The following STIL variants were observed in gnomAD, a reference collection of about 807,000 sequenced individuals.
STIL encodes SCL-interrupting locus protein.
Under a neutral mutation model 110.1 loss-of-function variants are expected in STIL, and 55 were observed. The observed-to-expected ratio is 0.50, with a 90% CI of 0.40 to 0.63. The LOEUF (loss-of-function observed/expected upper bound fraction) is 0.63, where lower values mean the gene tolerates loss of function less well. Ranked by LOEUF, STIL falls within the 20% of genes least tolerant of loss-of-function variation. The probability of loss-of-function intolerance (pLI) is 0.00; values close to 1 mark genes in which losing one functional copy is unlikely to be tolerated. For missense variants in STIL, 1,358 were observed against 1,530.0 expected, an observed-to-expected ratio of 0.89 and a Z score of 1.87; for synonymous variants, 481 against 530.0, an observed-to-expected ratio of 0.91 and a Z score of 1.27.
At chr1:47,285,255 CTCCTGAGCTCAAGCAA>C (rs1465747180) in intron 10 of STIL, among the ~76,000 whole-genome samples, 1 of 151,554 alleles carries the variant, frequency 6.6e-6, no homozygotes, top group Non-Finnish European at 1.5e-5. Context: ...TGGTCTCGAA[CTCCTGAGCTCAAGCAA>C]TCCTCCCGCC....
intron 16 of STIL, 112 bp downstream of exon 16, chr1:47,260,177 T>C: frequency 9.8e-6 from 11 of 1,127,226 alleles, no homozygotes; most frequent in East Asian, 2.6e-5. Flanking sequence ...TCTGATGAGA[T>C]TGCCACAATA....
chr1:47,289,591 CA>C lies in STIL; in HGVS notation c.873-7del. 6.2e-7 allele frequency: 1 copy of C among 1,609,886 alleles called. No homozygotes were observed. Among genetic ancestry groups the C allele is most frequent in the Non-Finnish European group, 8.5e-7 (1 of 1,176,768 alleles). On this transcript the variant is annotated splice_polypyrimidine_tract_variant and splice_region_variant and intron_variant, in intron 8 of 16. Coordinates refer to ENST00000371877, the MANE Select transcript of STIL (RefSeq NM_001048166.1). ...TTCCAGATTCTGAAAAAACCCTGCA[CA>C]AAAAAAGTCATTTAATTAAAATTTA... is the stretch of plus-strand genomic sequence containing the variant.
At chr1:47,301,449 T>G in intron 5 of STIL, 112 bp downstream of exon 5, 1 of 1,248,014 alleles carries the variant, frequency 8.0e-7, no homozygotes. Context: ...TCACAATAAT[T>G]CAACCAAATT....
rs1645756235 is a variant in STIL, at chr1:47,300,016, T to C, written c.590A>G (p.Asn197Ser). 1 of 1,614,152 alleles carries C rather than the reference T, an allele frequency of 6.2e-7. No individual in the cohort carries two copies. The highest frequency in any genetic ancestry group is 8.5e-7 in the Non-Finnish European group (1 of 1,180,018). ...DLHWAAVTLA[N>S]NFKCTPVKPI... ...CTTCACAGGTGTGCATTTAAAGTTA[T>C]TTGCTAGAGTTACTGCTGCCCAATG... The change falls in exon 6 of 17, where the codon AAT (asparagine) becomes AGT (serine). Residue 197 changes from asparagine to serine, a missense_variant. Asn to Ser is a conservative substitution (Grantham distance 46). Coordinates refer to ENST00000371877, the MANE Select transcript of STIL (RefSeq NM_001048166.1).
chr1:47,277,319 G>C (rs1645021901), intron 12 of STIL, among the ~76,000 whole-genome samples: 1 of 152,198 alleles, frequency 6.6e-6, no homozygotes, highest in African/African-American at 2.4e-5. Context: ...AGTGATAAGA[G>C]ATGAGTTTGC....
intron 11 of STIL, among the ~76,000 whole-genome samples, chr1:47,281,484 CACTA>C (rs1445441740): frequency 2.6e-5 from 4 of 152,100 alleles, no homozygotes; most frequent in Admixed American, 2.6e-4. Context: ...TTTATTAAAA[CACTA>C]ACACTGCTAA....
chr1:47,268,943 C>T (rs879527068), intron 14 of STIL, among the ~76,000 whole-genome samples: 4 of 150,962 alleles, frequency 2.6e-5, no homozygotes, highest in Non-Finnish European at 5.9e-5. Flanking sequence ...AATACAAACA[C>T]GGAATTAGCC....
intron 1 of STIL, among the ~76,000 whole-genome samples, chr1:47,312,367 G>C (rs1372632583): frequency 1.3e-5 from 2 of 151,782 alleles, no homozygotes; most frequent in Non-Finnish European, 2.9e-5. Flanking sequence ...GCGGGCACCT[G>C]TAGTGAACCC....
At chr1:47,281,740 C>T (rs1216316210) in intron 11 of STIL, among the ~76,000 whole-genome samples, 3 of 152,042 alleles carry the variant, frequency 2.0e-5, no homozygotes, top group South Asian at 4.1e-4. Context: ...ACAAAATACT[C>T]GCTGTGATGA....
At chr1:47,269,521 A>G in intron 14 of STIL, 114 bp downstream of exon 14, 1 of 742,722 alleles carries the variant, frequency 1.3e-6, no homozygotes, top group East Asian at 2.7e-5. Flanking sequence ...ATCATTCCAT[A>G]CTGTAAACAT....
At chr1:47,301,963 A>G (rs1645817054) in intron 4 of STIL, among the ~76,000 whole-genome samples, 1 of 152,240 alleles carries the variant, frequency 6.6e-6, no homozygotes, top group Non-Finnish European at 1.5e-5. Flanking sequence ...CCAGACAGTG[A>G]ACTCTGTAAT....
rs11371469 is a variant in STIL at position 47,279,727 on chromosome 1, CAAA to C, written c.2217+511_2217+513del. 1.3e-4 allele frequency among the ~76,000 whole-genome samples: 11 copies of C among 82,832 alleles called. No individual in the cohort carries two copies. The East Asian group carries it at 5.0e-3, about 38-fold the overall frequency. 54.3% of individuals were successfully genotyped at this position (82,832 alleles called of 152,430 possible). A position where few individuals can be genotyped will look rare whatever the true frequency, so the allele number is the denominator to read the frequency against. On this transcript the variant is annotated intron_variant, in intron 12 of 16. Coordinates refer to ENST00000371877, the MANE Select transcript of STIL (RefSeq NM_001048166.1). ...CTGCGCAACAGAAGAGACTCCGTCT[CAAA>C]AAAAAAAAAAAAAAACAACAAAAAA...
intron 1 of STIL, among the ~76,000 whole-genome samples, chr1:47,312,054 T>C (rs1198274445): frequency 6.6e-6 from 1 of 151,376 alleles, no homozygotes; most frequent in Non-Finnish European, 1.5e-5. Context: ...TCACTCTGTG[T>C]GAAGCAAGAT....
Position 47,251,434 on chromosome 1 carries a change from T to C in STIL, c.3569A>G (p.Asn1190Ser), listed in dbSNP as rs1557694839. 1 of 1,614,236 alleles carries C rather than the reference T, an allele frequency of 6.2e-7. No homozygotes were observed. The highest frequency in any genetic ancestry group is 8.5e-7 in the Non-Finnish European group (1 of 1,180,042). Reference sequence around the variant, plus strand: ...ATTTCTCAATACTGGCGTATCTGCGTTGGTCCCCACAGATTCACAGTTAGA... The same window carrying C: ...ATTTCTCAATACTGGCGTATCTGCGCTGGTCCCCACAGATTCACAGTTAGA... ...NCSNCESVGT[N>S]ADTPVLRNIT... Residue 1190 changes from asparagine (N) to serine (S), a missense_variant, in exon 17 of 17, where the codon AAC becomes AGC. Asn to Ser is a conservative substitution (Grantham distance 46). Coordinates refer to ENST00000371877, the MANE Select transcript of STIL (RefSeq NM_001048166.1).
At position 47,301,768 on chromosome 1, in the gene STIL, G is replaced by A. The variant is rs1268756384; in HGVS notation, c.266-20C>T. 1.2e-6 allele frequency: 2 copies of A among 1,609,432 alleles called. No individual in the cohort carries two copies. Among genetic ancestry groups the A allele is most frequent in the Non-Finnish European group, 1.7e-6 (2 of 1,176,758 alleles). On this transcript the variant is annotated intron_variant, in intron 4 of 16. Transcript: ENST00000371877. Reference sequence around the variant, plus strand: ...CTTCATCTGTAGAACAAAAATAACAGCTATTATACAGCATACTAATTAAAA... The same window carrying A: ...CTTCATCTGTAGAACAAAAATAACAACTATTATACAGCATACTAATTAAAA...
Position 47,280,566 on chromosome 1 carries a change from T to C in STIL, c.1892A>G (p.Asp631Gly), listed in dbSNP as rs566017243. Reference sequence around the variant, plus strand: ...CTTTTGAAGGGCTTCAGACTGGACATCTTGAATGGATCCAACTGTGTTTGC... The same window carrying C: ...CTTTTGAAGGGCTTCAGACTGGACACCTTGAATGGATCCAACTGTGTTTGC... Reference protein sequence around the residue: ...QGANTVGSIQDVQSEALQKHS... With the variant: ...QGANTVGSIQGVQSEALQKHS... Residue 631 changes from aspartate to glycine, a missense_variant, in exon 12 of 17, where the codon GAT becomes GGT. By Grantham distance (94) the Asp-to-Gly change is moderately conservative. Coordinates refer to ENST00000371877, the MANE Select transcript of STIL (RefSeq NM_001048166.1). 40 of 1,614,252 alleles carry C rather than the reference T, an allele frequency of 2.5e-5. No homozygotes were observed. In the East Asian group the frequency reaches 6.5e-4, roughly 26 times the overall value.
At chr1:47,286,625 G>A (rs919706829) in intron 10 of STIL, among the ~76,000 whole-genome samples, 1 of 151,682 alleles carries the variant, frequency 6.6e-6, no homozygotes, top group South Asian at 2.1e-4. Flanking sequence ...GACCCGGGAG[G>A]CGGAGCTTGC....
intron 6 of STIL, among the ~76,000 whole-genome samples, chr1:47,297,291 G>A (rs1391910333): frequency 1.3e-5 from 2 of 151,454 alleles, no homozygotes; most frequent in African/African-American, 2.4e-5. Flanking sequence ...GCTGCAGTGA[G>A]CTGAGATCGT....
chr1:47,277,994 T>A (rs1645039951), intron 12 of STIL, among the ~76,000 whole-genome samples: 1 of 151,964 alleles, frequency 6.6e-6, no homozygotes, highest in African/African-American at 2.4e-5. Flanking sequence ...ATCCAAGGAG[T>A]CTGGTACCAC....
Sources: allele counts gnomAD v4.1 joint callset (sites outside exome capture counted in the v4.1 genomes callset), GRCh38; gene constraint gnomAD v4.1.1; transcripts MANE v1.5; gene names NCBI Gene and HGNC (gene_info 2026-07-23, HGNC 2026-07-21).